Variants in SACS observed in about 807,000 individuals in gnomAD.
SACS encodes sacsin.
A neutral mutation model predicts 348.0 loss-of-function variants in SACS; 197 were observed. The observed-to-expected ratio is 0.57, with a 90% confidence interval of 0.50 to 0.64. The LOEUF (loss-of-function observed/expected upper bound fraction) is 0.64. Among genes scored for constraint, SACS ranks in the 30% least tolerant of loss-of-function variants. SACS has a pLI of 0.00. For missense variants in SACS, 4,999 were observed against 5,360.8 expected (o/e 0.93, Z 2.11); for synonymous variants, 1,985 against 1,910.6 (o/e 1.04, Z -1.02).
chr13:23,390,598 G>A (rs1324505960), intron 2 of SACS, among the ~76,000 whole-genome samples: 1 of 152,114 alleles, frequency 6.6e-6, no homozygotes, highest in Non-Finnish European at 1.5e-5. Context: ...GGAGGTCAAG[G>A]CTGCAGTAAG....
At chr13:23,412,437 A>G (rs1436149134) in intron 1 of SACS, among the ~76,000 whole-genome samples, 1 of 138,518 alleles carries the variant, frequency 7.2e-6, no homozygotes, top group Admixed American at 7.6e-5. Context: ...TCTCTGAGAC[A>G]GAGCCTCCCT....
At chr13:23,405,988 C>T (rs1257037189) in intron 2 of SACS, among the ~76,000 whole-genome samples, 1 of 152,172 alleles carries the variant, frequency 6.6e-6, no homozygotes. Context: ...GGCGATTCCT[C>T]ACTGTCCAGA....
chr13:23,336,203 G>C lies in SACS; in HGVS notation c.7673C>G (p.Ala2558Gly). The C allele has an allele frequency of 6.2e-7, 1 of 1,613,976 alleles. No homozygotes were observed. Among genetic ancestry groups the C allele is most frequent in the Non-Finnish European group, 8.5e-7 (1 of 1,179,918 alleles). Reference sequence around the variant, plus strand: ...ATCAAACACAAAACAGATTTCTGTCGCCTTTGCATCATCAGCATTTTGAAG... The same window carrying C: ...ATCAAACACAAAACAGATTTCTGTCCCCTTTGCATCATCAGCATTTTGAAG... Reference protein sequence around the residue: ...ELLQNADDAKATEICFVFDPR... With the variant: ...ELLQNADDAKGTEICFVFDPR... Residue 2558 changes from alanine (A) to glycine (G), a missense_variant, in exon 10 of 10, where the codon GCG becomes GGG. Ala to Gly is a moderately conservative substitution (Grantham distance 60). This residue lies in a region of SACS where 3,156 missense variants were observed against 3,380.1 expected (regional missense o/e 0.93). Coordinates refer to ENST00000382292, the MANE Select transcript of SACS (RefSeq NM_014363.6).
Position 23,337,688 on chromosome 13 carries a change from G to C in SACS, c.6188C>G (p.Pro2063Arg). ...TTCTGCTTCAATTTCTTGAATATTT[G>C]GAAAAAACACTTCAGAAAAAAACTG... ...EKQFFSEVFFPNIQEIEAELR... is the reference protein window; with the variant it reads ...EKQFFSEVFFRNIQEIEAELR... The change falls in exon 10 of 10, where the codon CCA becomes CGA. Residue 2063 changes from proline (P) to arginine (R), a missense_variant. Physicochemically the swap from Pro to Arg is moderately radical, Grantham distance 103. This residue lies in a region of SACS where 3,156 missense variants were observed against 3,380.1 expected (regional missense o/e 0.93). Transcript: ENST00000382292. 2 of 1,612,142 alleles carry C rather than the reference G, an allele frequency of 1.2e-6. No individual in the cohort carries two copies. The highest frequency in any genetic ancestry group is 2.2e-5 in the South Asian group (2 of 90,626).
At chr13:23,428,906 AT>A (rs1435931229) in intron 1 of SACS, 1 of 152,202 alleles carries the variant, frequency 6.6e-6, no homozygotes. Flanking sequence ...AAAACTACAC[AT>A]ATTTTGTATG....
intron 6 of SACS, among the ~76,000 whole-genome samples, chr13:23,362,775 A>G (rs1870819482): frequency 6.6e-6 from 1 of 151,706 alleles, no homozygotes; most frequent in Non-Finnish European, 1.5e-5. Flanking sequence ...TAGTAGAAAC[A>G]GGGTTTCGCC....
intron 7 of SACS, among the ~76,000 whole-genome samples, chr13:23,357,293 T>A (rs1314264173): frequency 6.6e-6 from 1 of 152,144 alleles, no homozygotes; most frequent in Non-Finnish European, 1.5e-5. Flanking sequence ...TACAAAGAGG[T>A]GGACACGAGT....
rs1219291436 is a variant in SACS at position 23,429,873 on chromosome 13, G to T, written c.-502+3742C>A. ...ATGACAGTAAAATGAACATAGATCT[G>T]TTCTTTGTAATCAGGATTGTCTCTG... On this transcript the variant is annotated intron_variant, in intron 1 of 9. Coordinates refer to ENST00000382292, the MANE Select transcript of SACS (RefSeq NM_014363.6). 2.6e-5 allele frequency among the ~76,000 whole-genome samples: 4 copies of T among 152,164 alleles called. No individual in the cohort carries two copies. In the South Asian group the frequency reaches 8.3e-4, roughly 32 times the overall value.
At chr13:23,353,658 A>G (rs939130863) in intron 9 of SACS, 127 bp downstream of exon 9, 2 of 630,420 alleles carry the variant, frequency 3.2e-6, no homozygotes, top group Non-Finnish European at 5.6e-6. Flanking sequence ...CTTAAAACAC[A>G]AAAAGTTTAT....
chr13:23,418,418 A>G (rs143650213), intron 1 of SACS, among the ~76,000 whole-genome samples: 2 of 152,322 alleles, frequency 1.3e-5, no homozygotes, highest in African/African-American at 4.8e-5. Flanking sequence ...GCTTAACATT[A>G]TACAAGATTT....
At chr13:23,391,260 GA>G (rs1872517471) in intron 2 of SACS, among the ~76,000 whole-genome samples, 1 of 152,208 alleles carries the variant, frequency 6.6e-6, no homozygotes, top group African/African-American at 2.4e-5. Flanking sequence ...TCAGGCAAAG[GA>G]TTACTGTCAA....
chr13:23,412,684 G>A (rs917560720), intron 1 of SACS, among the ~76,000 whole-genome samples: 8 of 152,098 alleles, frequency 5.3e-5, no homozygotes, highest in African/African-American at 1.9e-4. Context: ...CCAAACTGCT[G>A]GGATTACAGG....
chr13:23,407,497 C>A (rs904026844), intron 2 of SACS, among the ~76,000 whole-genome samples: 1 of 152,214 alleles, frequency 6.6e-6, no homozygotes, highest in African/African-American at 2.4e-5. Flanking sequence ...CCACGCCCGG[C>A]CTGTTTTTCT....
chr13:23,334,304 G>A lies in SACS; in HGVS notation c.9572C>T (p.Thr3191Ile), dbSNP rs1883687760. Reference protein sequence around the residue: ...IPSRKDLFMNTLYLKYSNILL... With the variant: ...IPSRKDLFMNILYLKYSNILL... Reference sequence around the variant, plus strand: ...AATATTACTATATTTCAAATATAATGTATTCATAAACAAGTCTTTGCGGGA... The same window carrying A: ...AATATTACTATATTTCAAATATAATATATTCATAAACAAGTCTTTGCGGGA... The change falls in exon 10 of 10, where the codon ACA (threonine) becomes ATA (isoleucine). Residue 3191 changes from threonine (T) to isoleucine (I), a missense_variant. Physicochemically the swap from Thr to Ile is moderately conservative, Grantham distance 89. Transcript: ENST00000382292. 1.9e-6 allele frequency: 3 copies of A among 1,606,008 alleles called. No homozygotes were observed. Among genetic ancestry groups the A allele is most frequent in the Non-Finnish European group, 2.6e-6 (3 of 1,175,602 alleles).
chr13:23,395,296 G>C (rs779964004), intron 2 of SACS, among the ~76,000 whole-genome samples: 1 of 152,174 alleles, frequency 6.6e-6, no homozygotes, highest in Non-Finnish European at 1.5e-5. Context: ...CTTGATGGCT[G>C]TATGCTCCAC....
intron 2 of SACS, among the ~76,000 whole-genome samples, chr13:23,379,173 C>T (rs573128456): frequency 3.9e-5 from 6 of 152,314 alleles, no homozygotes; most frequent in Admixed American, 3.9e-4. Context: ...GGACAGGTCA[C>T]AGCTCTAAAC....
chr13:23,345,853 A>G (rs1869564540), intron 9 of SACS, among the ~76,000 whole-genome samples: 1 of 152,156 alleles, frequency 6.6e-6, no homozygotes, highest in African/African-American at 2.4e-5. Flanking sequence ...TTCCAAATGG[A>G]ACATGAACTT....
rs201561505 is a variant in SACS, at chr13:23,331,709, G to C, written c.12167C>G (p.Thr4056Arg). 2.5e-6 allele frequency: 4 copies of C among 1,613,814 alleles called. No individual in the cohort carries two copies. Among genetic ancestry groups the C allele is most frequent in the Non-Finnish European group, 2.5e-6 (3 of 1,179,964 alleles). The stretch of plus-strand genomic sequence containing the variant: ...AGGATTAAAACCTTTAACTCTTAAT[G>C]TTGTTTGAAGCTTTTCAAAGCAGGA... ...KVSCFEKLQTTLRVKGFNPIP... is the reference protein window; with the variant it reads ...KVSCFEKLQTRLRVKGFNPIP... The change falls in exon 10 of 10, where the codon ACA (threonine) becomes AGA (arginine). Residue 4056 changes from threonine (T) to arginine (R), a missense_variant. Physicochemically the swap from Thr to Arg is moderately conservative, Grantham distance 71 (BLOSUM62 -1). Transcript: ENST00000382292.
intron 2 of SACS, among the ~76,000 whole-genome samples, chr13:23,410,610 AAG>A (rs1455813127): frequency 6.6e-6 from 1 of 152,210 alleles, no homozygotes; most frequent in Admixed American, 6.5e-5. Flanking sequence ...GAATTAATGA[AAG>A]AGTATTTTGT....
Sources: gnomAD v4.1 joint callset for allele counts (sites outside exome capture counted in the v4.1 genomes callset) on GRCh38, gnomAD v4.1.1 for gene constraint, gnomAD v4.1.1 regional missense constraint, MANE v1.5 for transcripts, NCBI Gene and HGNC (gene_info 2026-07-23, HGNC 2026-07-21) for gene names.